The following CRISP3 variants were observed in gnomAD, a reference collection of about 807,000 sequenced individuals.
CRISP3 encodes the protein cysteine rich secretory protein 3.
A neutral mutation model predicts 36.1 loss-of-function variants in CRISP3; 33 were observed. That is an observed-to-expected ratio of 0.91 (90% CI 0.69 to 1.22). The LOEUF (loss-of-function observed/expected upper bound fraction) is 1.22, where lower values mean the gene tolerates loss of function less well. CRISP3 is among the 50% of genes most tolerant of loss of function. The probability of loss-of-function intolerance (pLI) is 0.00; values close to 1 mark genes in which losing one functional copy is unlikely to be tolerated. For synonymous variants in CRISP3, 117 were observed against 104.6 expected (o/e 1.12, Z -0.72); for missense variants, 330 against 301.2 (o/e 1.10, Z -0.71).
At chr6:49,733,166 T>C in intron 6 of CRISP3, 29 bp downstream of exon 6, 3 of 1,279,432 alleles carry the variant, frequency 2.3e-6, no homozygotes. Context: ...TTAGCATTAT[T>C]GACAATAAAC....
Position 49,736,500 on chromosome 6 carries a change from G to C in CRISP3, c.119C>G (p.Ala40Gly), listed in dbSNP as rs773292990. 5.6e-6 allele frequency: 9 copies of C among 1,608,260 alleles called. No homozygotes were observed. The South Asian group carries it at 9.9e-5, about 18-fold the overall frequency. ...TTGGGTGGTTAACAAAGCAGTAAAA[G>C]CGGGATCCTAAGGGAAAATAAAATT... ...SFPANEDKDP[A>G]FTALLTTQTQ... The change falls in exon 3 of 8, where the codon GCT becomes GGT. Residue 40 changes from alanine to glycine, a missense_variant. Transcript: ENST00000263045.
chr6:49,731,079 G>T, intron 7 of CRISP3, 84 bp downstream of exon 7: 1 of 988,814 alleles, frequency 1.0e-6, no homozygotes, highest in Admixed American at 2.3e-5. Context: ...CATTGCTTAA[G>T]TTGGTTGTCT....
At chr6:49,743,825 T>C (rs1028709983) in intron 1 of CRISP3, among the ~76,000 whole-genome samples, 1 of 152,142 alleles carries the variant, frequency 6.6e-6, no homozygotes, top group Non-Finnish European at 1.5e-5. Context: ...TGAGGTAAAT[T>C]GCATTTTATG....
chr6:49,737,544 G>A (rs750754719), intron 1 of CRISP3, 146 bp from the exon 2 acceptor site: 2 of 816,282 alleles, frequency 2.5e-6, no homozygotes, highest in Non-Finnish European at 4.0e-6. Flanking sequence ...GTCACATGGA[G>A]CCAGCAGAAT....
At chr6:49,736,302 T>C (rs1769049597) in intron 3 of CRISP3, 89 bp downstream of exon 3, 2 of 826,426 alleles carry the variant, frequency 2.4e-6, no homozygotes, top group Non-Finnish European at 4.0e-6. Context: ...CTTTGTAAAC[T>C]TCAAAGTTAT....
At chr6:49,731,573 A>G (rs1768917808) in intron 6 of CRISP3, among the ~76,000 whole-genome samples, 2 of 152,226 alleles carry the variant, frequency 1.3e-5, no homozygotes, top group South Asian at 2.1e-4. Context: ...TGCTAAGATG[A>G]TGTACCACAA....
Position 49,736,452 on chromosome 6 carries a change from A to C in CRISP3, c.167T>G (p.Val56Gly). The change falls in exon 3 of 8, where the codon GTG (valine) becomes GGG (glycine). Residue 56 changes from valine to glycine, a missense_variant. Transcript: ENST00000263045. The stretch of plus-strand genomic sequence containing the variant: ...TCTCCTCAGTTCATTGTGCTTATTC[A>C]CAATCTCCCTTTGCACTTGTGTTTG... Reference protein sequence around the residue: ...TTQTQVQREIVNKHNELRRAV... With the variant: ...TTQTQVQREIGNKHNELRRAV... The C allele has an allele frequency of 6.2e-7, 1 of 1,613,802 alleles. No individual in the cohort carries two copies. The highest frequency in any genetic ancestry group is 8.5e-7 in the Non-Finnish European group (1 of 1,179,792).
At chr6:49,729,377 C>T (rs1193721646) in intron 7 of CRISP3, among the ~76,000 whole-genome samples, 4 of 151,994 alleles carry the variant, frequency 2.6e-5, no homozygotes, top group Admixed American at 6.5e-5. Flanking sequence ...GACTCTAATG[C>T]CCCCAGTCTT....
intron 3 of CRISP3, 102 bp downstream of exon 3, chr6:49,736,289 G>T (rs1769049329): frequency 2.7e-6 from 2 of 750,466 alleles, no homozygotes; most frequent in African/African-American, 1.8e-5. Context: ...AATACAGAGA[G>T]AACTTTGTAA....
intron 1 of CRISP3, among the ~76,000 whole-genome samples, chr6:49,742,670 G>GA (rs988406305): frequency 3.4e-4 from 47 of 138,354 alleles, no homozygotes; most frequent in Middle Eastern, 3.8e-3. Flanking sequence ...AAAAGAAAAA[G>GA]AAAAAAAAGA....
rs561514650 is a variant in CRISP3, at chr6:49,738,729, C to T, written c.38-1331G>A. On this transcript the variant is annotated intron_variant, in intron 1 of 7. Transcript: ENST00000263045. ...CCAGCACCTCTGCACCCCACCACCCCGCCCACTGTGAATCTAAGTATTGGG... is the reference window on the plus strand; with the variant it reads ...CCAGCACCTCTGCACCCCACCACCCTGCCCACTGTGAATCTAAGTATTGGG... 5.9e-5 allele frequency among the ~76,000 whole-genome samples: 9 copies of T among 152,234 alleles called. No individual in the cohort carries two copies. In the East Asian group the frequency reaches 1.4e-3, roughly 23 times the overall value.
At chr6:49,735,232 T>C (rs1176679626) in intron 4 of CRISP3, among the ~76,000 whole-genome samples, 2 of 152,130 alleles carry the variant, frequency 1.3e-5, no homozygotes, top group African/African-American at 2.4e-5. Context: ...ATCTCTGTAA[T>C]TGGGAAAGAG....
At chr6:49,737,045 A>G (rs1769072094) in intron 2 of CRISP3, among the ~76,000 whole-genome samples, 2 of 152,118 alleles carry the variant, frequency 1.3e-5, no homozygotes, top group Non-Finnish European at 2.9e-5. Flanking sequence ...GGGATCACTC[A>G]AAAGATAGTT....
In CRISP3 at chr6:49,727,817, A is replaced by C. The variant is rs1768804043; in HGVS notation, c.*913T>G. ...GCTCATAATTAGATTGGGATTATGA[A>C]TTTTTAGAAAGATTATCTAGAACAA... On this transcript the variant is annotated 3_prime_UTR_variant, in exon 8 of 8. Coordinates refer to ENST00000263045, the MANE Select transcript of CRISP3 (RefSeq NM_006061.4). The C allele has an allele frequency of 6.6e-6, 1 of 152,136 alleles. No homozygotes were observed. The highest frequency in any genetic ancestry group is 2.4e-5 in the African/African-American group (1 of 41,450). 9.4% of individuals were successfully genotyped at this position (152,136 alleles called of 1,614,324 possible). A position where few individuals can be genotyped will look rare whatever the true frequency, so the allele number is the denominator to read the frequency against.
chr6:49,744,348 G>A lies in CRISP3; in HGVS notation c.20C>T (p.Pro7Leu). The change falls in exon 1 of 8, where the codon CCT becomes CTT. Residue 7 changes from proline (P) to leucine (L), a missense_variant. Transcript: ENST00000263045. ...TCACTTACCAGTGGTTTCCAGAGCA[G>A]GATGAAGTATTTGTTTCATCTATTG... MKQILH[P>L]ALETTAMTLF... 2.6e-6 allele frequency: 4 copies of A among 1,533,026 alleles called. No homozygotes were observed. Among genetic ancestry groups the A allele is most frequent in the South Asian group, 1.2e-5 (1 of 83,880 alleles). 95.0% of individuals were successfully genotyped at this position (1,533,026 alleles called of 1,614,324 possible). A position where few individuals can be genotyped will look rare whatever the true frequency, so the allele number is the denominator to read the frequency against.
At chr6:49,743,793 T>G (rs1372339593) in intron 1 of CRISP3, among the ~76,000 whole-genome samples, 2 of 151,882 alleles carry the variant, frequency 1.3e-5, no homozygotes, top group South Asian at 4.1e-4. Context: ...TTTTTTTTTG[T>G]TTTTGATCTG....
At chr6:49,728,880 A>C in intron 7 of CRISP3, 23 bp from the exon 8 acceptor site, 1 of 1,598,924 alleles carries the variant, frequency 6.3e-7, no homozygotes, top group Non-Finnish European at 8.5e-7. Flanking sequence ...CAAAGAAATT[A>C]GTCACTTCAT....
chr6:49,737,202 C>CTAA (rs1333204027), intron 2 of CRISP3, 123 bp downstream of exon 2: 8 of 698,908 alleles, frequency 1.1e-5, no homozygotes, highest in Non-Finnish European at 1.7e-5. Flanking sequence ...CCTTGAGCTA[C>CTAA]TAATGAGTAC....
chr6:49,742,787 G>A (rs562507273), intron 1 of CRISP3, among the ~76,000 whole-genome samples: 153 of 151,974 alleles, frequency 1.0e-3, no homozygotes, highest in Non-Finnish European at 2.0e-3. Flanking sequence ...AACTGGTGGA[G>A]GAAAATACAA....
Sources: allele counts gnomAD v4.1 joint callset (sites outside exome capture counted in the v4.1 genomes callset), GRCh38; gene constraint gnomAD v4.1.1; transcripts MANE v1.5; gene names NCBI Gene and HGNC (gene_info 2026-07-23, HGNC 2026-07-21).